HDGFL3: variants seen among roughly 807,000 people sequenced by gnomAD.
The protein encoded by HDGFL3 is HDGF like 3, also known as hepatoma-derived growth factor-related protein 3.
HDGFL3 carries 6 observed loss-of-function variants against 27.6 expected under a neutral mutation model. The observed-to-expected ratio is 0.22, with a 90% confidence interval of 0.12 to 0.43. The LOEUF (loss-of-function observed/expected upper bound fraction) is 0.43. Among genes scored for constraint, HDGFL3 ranks in the 20% least tolerant of loss-of-function variants. The probability of loss-of-function intolerance (pLI) is 1.00; values close to 1 mark genes in which losing one functional copy is unlikely to be tolerated. For synonymous variants in HDGFL3, 88 were observed against 88.9 expected (o/e 0.99, Z 0.05); for missense variants, 207 against 250.1 (o/e 0.83, Z 1.16).
At chr15:83,162,478 G>C (rs550549021) in intron 2 of HDGFL3, among the ~76,000 whole-genome samples, 25 of 152,094 alleles carry the variant, frequency 1.6e-4, no homozygotes, top group Middle Eastern at 3.4e-3. Flanking sequence ...AAATGGGGGC[G>C]GGAATAAGGA....
At chr15:83,119,036 G>C (rs1208925349) in intron 3 of HDGFL3, among the ~76,000 whole-genome samples, 1 of 152,150 alleles carries the variant, frequency 6.6e-6, no homozygotes, top group Non-Finnish European at 1.5e-5. Context: ...CATCCCACTG[G>C]GTTGTTGGGA....
chr15:83,171,562 C>T (rs2037246562), intron 1 of HDGFL3, among the ~76,000 whole-genome samples: 1 of 152,072 alleles, frequency 6.6e-6, no homozygotes, highest in South Asian at 2.1e-4. Flanking sequence ...CATAGTCATA[C>T]AAAAGAACAA....
chr15:83,184,811 G>C (rs1191654587), intron 1 of HDGFL3: 6 of 152,206 alleles, frequency 3.9e-5, no homozygotes, highest in Admixed American at 6.5e-5. Context: ...AGCGTCAGTT[G>C]CAAGGGAAAA....
chr15:83,144,294 G>A (rs1258292472), intron 5 of HDGFL3, among the ~76,000 whole-genome samples: 4 of 152,154 alleles, frequency 2.6e-5, no homozygotes, highest in South Asian at 2.1e-4. Flanking sequence ...TTTAGGGATA[G>A]GTAGCCTTCT....
intron 4 of HDGFL3, among the ~76,000 whole-genome samples, chr15:83,156,627 G>A (rs1742057973): frequency 1.3e-5 from 2 of 152,136 alleles, no homozygotes; most frequent in Admixed American, 1.3e-4. Flanking sequence ...CGTGTGGTAG[G>A]CTGTACCACC....
rs1183058032 is a variant in HDGFL3, at chr15:83,132,658, T to C, written c.*6612A>G. ...ACCCTCCCGCCTTGGCATCCCAAAG[T>C]GCTGGGATTATAGGTATGAGCCACC... On this transcript the variant is annotated 3_prime_UTR_variant, in exon 6 of 6. Transcript: ENST00000299633. 2 of 152,108 alleles carry C rather than the reference T, an allele frequency of 1.3e-5. No individual in the cohort carries two copies. The highest frequency in any genetic ancestry group is 4.8e-5 in the African/African-American group (2 of 41,416). The allele number at this position is 152,108 out of a possible 1,614,324, so 9.4% of individuals were successfully genotyped here.
intron 5 of HDGFL3, among the ~76,000 whole-genome samples, chr15:83,143,964 TA>T (rs2036837783): frequency 6.6e-6 from 1 of 152,194 alleles, no homozygotes; most frequent in African/African-American, 2.4e-5. Flanking sequence ...GTTTTCCAAA[TA>T]ATCTCTAGTA....
intron 1 of HDGFL3, among the ~76,000 whole-genome samples, chr15:83,169,413 T>TAA (rs2037215898): frequency 7.5e-5 from 1 of 13,360 alleles, no homozygotes; most frequent in Non-Finnish European, 1.4e-4. Flanking sequence ...AGACTCCGTC[T>TAA]CAAAAAAAAA....
At chr15:83,148,576 C>T (rs1042782557) in intron 5 of HDGFL3, among the ~76,000 whole-genome samples, 6 of 151,574 alleles carry the variant, frequency 4.0e-5, no homozygotes, top group African/African-American at 7.3e-5. Flanking sequence ...GAGCCAAGAT[C>T]GCACCACTGT....
At chr15:83,197,243 T>G (rs533299992) in intron 1 of HDGFL3, among the ~76,000 whole-genome samples, 1 of 152,324 alleles carries the variant, frequency 6.6e-6, no homozygotes, top group South Asian at 2.1e-4. Context: ...TCATAAAATT[T>G]AATCTAATCT....
chr15:83,201,557 A>C (rs1354512178), intron 1 of HDGFL3, among the ~76,000 whole-genome samples: 1 of 152,192 alleles, frequency 6.6e-6, no homozygotes, highest in African/African-American at 2.4e-5. Context: ...TTATACTTAC[A>C]AGCCTATAAT....
intron 2 of HDGFL3, 172 bp downstream of exon 2, chr15:83,163,827 G>C (rs925893245): frequency 4.7e-5 from 27 of 570,864 alleles, no homozygotes; most frequent in Non-Finnish European, 6.8e-5. Flanking sequence ...TAGTCATAAA[G>C]ACTTCTATCA....
chr15:83,194,065 G>A (rs191886526), intron 1 of HDGFL3, among the ~76,000 whole-genome samples: 22 of 152,212 alleles, frequency 1.4e-4, no homozygotes, highest in African/African-American at 5.1e-4. Context: ...TTCAACTTCT[G>A]GCTACCTACT....
chr15:83,193,135 G>GT (rs2037532102), intron 1 of HDGFL3, among the ~76,000 whole-genome samples: 1 of 151,974 alleles, frequency 6.6e-6, no homozygotes, highest in Non-Finnish European at 1.5e-5. Context: ...AAAATCAAGA[G>GT]TAAAAAAAAG....
At chr15:83,178,148 C>T (rs1388776091) in intron 1 of HDGFL3, among the ~76,000 whole-genome samples, 3 of 152,122 alleles carry the variant, frequency 2.0e-5, no homozygotes, top group South Asian at 2.1e-4. Context: ...CGAAAACACA[C>T]AATGAAATAT....
rs2036176596 is a variant in HDGFL3 at position 83,130,794 on chromosome 15, C to G, written c.*8476G>C. The G allele has an allele frequency of 6.6e-6, 1 of 152,186 alleles. No homozygotes were observed. Among genetic ancestry groups the G allele is most frequent in the Non-Finnish European group, 1.5e-5 (1 of 68,058 alleles). 9.4% of individuals were successfully genotyped at this position (152,186 alleles called of 1,614,324 possible). The stretch of plus-strand genomic sequence containing the variant: ...ATGGGAGTATCTGACACATTCATCA[C>G]AGAAAGCACTCTCCAGCAAGGCACG... On this transcript the variant is annotated 3_prime_UTR_variant, in exon 6 of 6. Coordinates refer to ENST00000299633, the MANE Select transcript of HDGFL3 (RefSeq NM_016073.4).
chr15:83,154,521 G>C (rs545272520), intron 4 of HDGFL3, among the ~76,000 whole-genome samples: 3 of 152,256 alleles, frequency 2.0e-5, no homozygotes, highest in African/African-American at 7.2e-5. Flanking sequence ...TTCTGAAATA[G>C]AAATTCTGGG....
At position 83,182,133 on chromosome 15, in the gene HDGFL3, T is replaced by A. The variant is rs1213599538; in HGVS notation, c.85-18058A>T. ...CCTTTTCTCATAGTCTTTTTATGGC[T>A]TTTTATGGCTAGTCTTTTAAATTTT... On this transcript the variant is annotated intron_variant, in intron 1 of 5. Coordinates refer to ENST00000299633, the MANE Select transcript of HDGFL3 (RefSeq NM_016073.4). Among the ~76,000 whole-genome samples the A allele has an allele frequency of 9.8e-5, 15 of 152,348 alleles. No homozygotes were observed. The East Asian group carries it at 2.9e-3, about 29-fold the overall frequency.
intron 1 of HDGFL3, chr15:83,189,388 CAGGT>C (rs2037483793): frequency 6.6e-6 from 1 of 152,354 alleles, no homozygotes; most frequent in African/African-American, 2.4e-5. Context: ...CCTTCTCCCC[CAGGT>C]CCTAGCTCGC....
Sources: gnomAD v4.1 joint callset for allele counts (sites outside exome capture counted in the v4.1 genomes callset) on GRCh38, gnomAD v4.1.1 for gene constraint, MANE v1.5 for transcripts, NCBI Gene and HGNC (gene_info 2026-07-23, HGNC 2026-07-21) for gene names.